CYSLTR2: variants seen among roughly 807,000 people sequenced by gnomAD.
The protein encoded by CYSLTR2 is G-protein coupled receptor GPCR21.
For missense variants in CYSLTR2, 398 were observed against 411.9 expected (o/e 0.97, Z 0.29); for synonymous variants, 179 against 160.8 (o/e 1.11, Z -0.86).
intron 1 of CYSLTR2, among the ~76,000 whole-genome samples, chr13:48,665,119 T>C (rs9595955): frequency 0.18 from 27,304 of 152,058 alleles, 3,451 homozygotes; most frequent in African/African-American, 0.36. Context: ...TGTATAGTTT[T>C]GAATGTTCCC....
At chr13:48,702,975 T>C (rs1954388895) in intron 4 of CYSLTR2, among the ~76,000 whole-genome samples, 1 of 152,190 alleles carries the variant, frequency 6.6e-6, no homozygotes, top group Non-Finnish European at 1.5e-5. Flanking sequence ...CAATAATTTG[T>C]AGTTTTCAGC....
intron 1 of CYSLTR2, among the ~76,000 whole-genome samples, chr13:48,686,239 A>G (rs1191118895): frequency 6.6e-5 from 10 of 152,194 alleles, no homozygotes; most frequent in South Asian, 4.1e-4. Context: ...TAAATTAACT[A>G]CTGCTTTACC....
chr13:48,683,767 T>C (rs1953821829), intron 1 of CYSLTR2, among the ~76,000 whole-genome samples: 1 of 152,256 alleles, frequency 6.6e-6, no homozygotes, highest in African/African-American at 2.4e-5. Context: ...TTTGCTTTTG[T>C]TGCAATTGCT....
rs138569774 is a variant in CYSLTR2, at chr13:48,657,738, C to T, written c.-266+3721C>T. ...AAACAGCATCGTACCTTGTTTGTAC[C>T]TCTAGTACAGAAAAACAATCATCTA... is the stretch of plus-strand genomic sequence containing the variant. On this transcript the variant is annotated intron_variant, in intron 1 of 4. Coordinates refer to ENST00000682523, the MANE Select transcript of CYSLTR2 (RefSeq NM_001308476.3). Among the ~76,000 whole-genome samples, 8 of 151,150 alleles carry T rather than the reference C, an allele frequency of 5.3e-5. No homozygotes were observed. In the East Asian group the frequency reaches 1.5e-3, roughly 29 times the overall value.
intron 1 of CYSLTR2, among the ~76,000 whole-genome samples, chr13:48,660,698 T>C (rs1953106484): frequency 1.3e-5 from 2 of 152,202 alleles, no homozygotes; most frequent in Admixed American, 1.3e-4. Flanking sequence ...AAAAAAAAAT[T>C]CTGAAAGCAC....
At chr13:48,691,057 G>A (rs1954026874) in intron 1 of CYSLTR2, among the ~76,000 whole-genome samples, 155 bp from the exon 2 acceptor site, 1 of 151,912 alleles carries the variant, frequency 6.6e-6, no homozygotes, top group Non-Finnish European at 1.5e-5. Context: ...CTGGATGAGG[G>A]CAATTTATTT....
intron 3 of CYSLTR2, among the ~76,000 whole-genome samples, chr13:48,694,361 T>C (rs1404619086): frequency 6.6e-6 from 1 of 152,248 alleles, no homozygotes; most frequent in Non-Finnish European, 1.5e-5. Flanking sequence ...CCTTTCCTTA[T>C]GGACTTTTCC....
At position 48,658,842 on chromosome 13, in the gene CYSLTR2, A is replaced by G. The variant is rs143975839; in HGVS notation, c.-266+4825A>G. Among the ~76,000 whole-genome samples, 4 of 152,238 alleles carry G rather than the reference A, an allele frequency of 2.6e-5. No individual in the cohort carries two copies. In the South Asian group the frequency reaches 6.2e-4, roughly 24 times the overall value. On this transcript the variant is annotated intron_variant, in intron 1 of 4. Coordinates refer to ENST00000682523, the MANE Select transcript of CYSLTR2 (RefSeq NM_001308476.3). ...GCTGGACAACAAGATCAATACTATG[A>G]AAAGCCTGGAGATGAACTTGACTCT...
At chr13:48,654,251 TTGTGTGTGTGTGTGTGTGTG>T (rs372575519) in intron 1 of CYSLTR2, among the ~76,000 whole-genome samples, 134 of 129,306 alleles carry the variant, frequency 1.0e-3, no homozygotes, top group African/African-American at 3.0e-3. Flanking sequence ...GATCGTCCCT[TTGTGTGTGTGTGTGTGTGTG>T]TGTGTGTGTG....
chr13:48,702,459 T>C (rs985896790), intron 4 of CYSLTR2, among the ~76,000 whole-genome samples: 1 of 152,174 alleles, frequency 6.6e-6, no homozygotes, highest in Non-Finnish European at 1.5e-5. Context: ...TGCTGCATTT[T>C]AGTTAATTTT....
chr13:48,699,551 A>G (rs1954286068), intron 4 of CYSLTR2, among the ~76,000 whole-genome samples: 1 of 152,186 alleles, frequency 6.6e-6, no homozygotes, highest in Non-Finnish European at 1.5e-5. Context: ...CACTAAATGC[A>G]CACAAGAGAA....
At chr13:48,699,813 G>A (rs955011661) in intron 4 of CYSLTR2, among the ~76,000 whole-genome samples, 1 of 151,980 alleles carries the variant, frequency 6.6e-6, no homozygotes, top group African/African-American at 2.4e-5. Flanking sequence ...TCAAATAGAT[G>A]CAATAAAAAA....
rs770424790 is a variant in CYSLTR2 at position 48,707,430 on chromosome 13, GC to G, written c.615del (p.Leu206TrpfsTer18). The G allele has an allele frequency of 1.2e-6, 2 of 1,614,062 alleles. No homozygotes were observed. Among genetic ancestry groups the G allele is most frequent in the Non-Finnish European group, 1.7e-6 (2 of 1,180,028 alleles). ...TAAGCTGCAGACCATGAACTATATT[GC>G]CTTGGTGGTGGGCTGCCTGCTGCCA... ...IAKLQTMNYIALVVGCLLPFF... is the reference protein window; with the variant it reads ...IAKLQTMNYIXLVVGCLLPFF... On this transcript the variant is annotated frameshift_variant, in exon 5 of 5. Transcript: ENST00000682523. LOFTEE classifies it low-confidence loss of function (END_TRUNC).
chr13:48,675,605 C>T (rs886126668), intron 1 of CYSLTR2, among the ~76,000 whole-genome samples: 1 of 152,090 alleles, frequency 6.6e-6, no homozygotes, highest in Admixed American at 6.6e-5. Context: ...TGCAAGTGAC[C>T]TGCAAGATCA....
chr13:48,707,211 C>T lies in CYSLTR2; in HGVS notation c.394C>T (p.Leu132=). 1 of 1,614,134 alleles carries T rather than the reference C, an allele frequency of 6.2e-7. No individual in the cohort carries two copies. The highest frequency in any genetic ancestry group is 1.7e-5 in the Admixed American group (1 of 60,020). Residue 132 remains leucine (L), a synonymous_variant, in exon 5 of 5, where the codon CTG becomes TTG. Coordinates refer to ENST00000682523, the MANE Select transcript of CYSLTR2 (RefSeq NM_001308476.3). ...CAGCAGTATTTATTTCCTGACCGTG[C>T]TGAGTGTTGTGCGTTTCCTGGCAAT... ...MYSSIYFLTV[L]SVVRFLAMVH...
At chr13:48,686,217 T>G (rs930795608) in intron 1 of CYSLTR2, among the ~76,000 whole-genome samples, 1 of 152,166 alleles carries the variant, frequency 6.6e-6, no homozygotes, top group Admixed American at 6.5e-5. Flanking sequence ...CAAACCACCT[T>G]TTGGGGTAGG....
rs1954540789 is a variant in CYSLTR2, at chr13:48,707,684, C to T, written c.867C>T (p.Ile289=). 1 of 1,614,068 alleles carries T rather than the reference C, an allele frequency of 6.2e-7. No individual in the cohort carries two copies. The highest frequency in any genetic ancestry group is 8.5e-7 in the Non-Finnish European group (1 of 1,179,926). ...ACAGACTGCATAAAGCTTTGGTTATCACACTGGCCTTGGCAGCAGCCAATG... is the reference window on the plus strand; with the variant it reads ...ACAGACTGCATAAAGCTTTGGTTATTACACTGGCCTTGGCAGCAGCCAATG... ...CKDRLHKALV[I]TLALAAANAC... Residue 289 remains isoleucine (I), a synonymous_variant, in exon 5 of 5, where the codon ATC becomes ATT. Coordinates refer to ENST00000682523, the MANE Select transcript of CYSLTR2 (RefSeq NM_001308476.3).
intron 4 of CYSLTR2, among the ~76,000 whole-genome samples, chr13:48,697,665 C>A (rs186091720): frequency 1.2e-4 from 18 of 152,210 alleles, no homozygotes; most frequent in Admixed American, 1.2e-3. Context: ...CGGAGAATGA[C>A]TTTGAAGAGT....
intron 1 of CYSLTR2, among the ~76,000 whole-genome samples, chr13:48,662,037 C>T (rs2138814225): frequency 6.6e-6 from 1 of 152,262 alleles, no homozygotes; most frequent in South Asian, 2.1e-4. Flanking sequence ...CTCTGTTCTA[C>T]TTTTTACTTC....
Sources: gnomAD v4.1 joint callset for allele counts (sites outside exome capture counted in the v4.1 genomes callset) on GRCh38, gnomAD v4.1.1 for gene constraint, MANE v1.5 for transcripts, NCBI Gene and HGNC (gene_info 2026-07-23, HGNC 2026-07-21) for gene names.